NALCN: variants seen among roughly 807,000 people sequenced by gnomAD.
NALCN encodes sodium leak channel NALCN.
In NALCN, 111 loss-of-function variants were observed where a neutral mutation model predicts 225.3. That is an observed-to-expected ratio of 0.49 (90% CI 0.42 to 0.58). NALCN has a LOEUF of 0.58. Ranked by LOEUF, NALCN falls within the 20% of genes least tolerant of loss-of-function variation. The probability of loss-of-function intolerance (pLI) is 0.00; values close to 1 mark genes in which losing one functional copy is unlikely to be tolerated. For synonymous variants in NALCN, 764 were observed against 769.0 expected (o/e 0.99, Z 0.11); for missense variants, 1,378 against 2,202.4 (o/e 0.63, Z 7.49).
chr13:101,295,940 T>C (rs2043736456), intron 7 of NALCN, among the ~76,000 whole-genome samples: 1 of 152,216 alleles, frequency 6.6e-6, no homozygotes, highest in African/African-American at 2.4e-5. Flanking sequence ...TTCCTTTCAT[T>C]TTCTTTGGGA....
chr13:101,279,826 ATAAATAAAT>A (rs2043098653), intron 10 of NALCN, among the ~76,000 whole-genome samples: 1 of 74,246 alleles, frequency 1.3e-5, no homozygotes. Context: ...CAAAAAATAA[ATAAATAAAT>A]AAAATAAATA....
chr13:101,191,674 T>G (rs2039686529), intron 14 of NALCN, among the ~76,000 whole-genome samples: 1 of 152,196 alleles, frequency 6.6e-6, no homozygotes. Flanking sequence ...ATTTTCATTT[T>G]GTTCTGTCTT....
chr13:101,185,897 T>C (rs2039429901), intron 14 of NALCN, among the ~76,000 whole-genome samples: 1 of 152,242 alleles, frequency 6.6e-6, no homozygotes, highest in Admixed American at 6.5e-5. Flanking sequence ...AGACTACTTT[T>C]TTTTTCCCTT....
intron 10 of NALCN, among the ~76,000 whole-genome samples, chr13:101,264,770 T>C (rs1322776061): frequency 6.6e-6 from 1 of 152,198 alleles, no homozygotes; most frequent in Non-Finnish European, 1.5e-5. Context: ...GAATGTAATA[T>C]GTTGGACTAC....
At chr13:101,247,598 CT>C (rs373744310) in intron 11 of NALCN, among the ~76,000 whole-genome samples, 96 of 151,932 alleles carry the variant, frequency 6.3e-4, no homozygotes, top group Admixed American at 1.1e-3. Context: ...TTTTGTCAAA[CT>C]TTTTTTTCAC....
chr13:101,197,199 G>A (rs932004318), intron 13 of NALCN, among the ~76,000 whole-genome samples: 9 of 152,104 alleles, frequency 5.9e-5, no homozygotes, highest in South Asian at 2.1e-4. Context: ...ATACGGTTTC[G>A]TTGTTTTTCC....
At chr13:101,384,375 G>A (rs1331362710) in intron 3 of NALCN, among the ~76,000 whole-genome samples, 2 of 151,990 alleles carry the variant, frequency 1.3e-5, no homozygotes, top group Non-Finnish European at 1.5e-5. Flanking sequence ...TTTTTATAAC[G>A]GTAAACACTT....
intron 12 of NALCN, among the ~76,000 whole-genome samples, chr13:101,235,841 G>A (rs974547896): frequency 6.6e-6 from 1 of 152,094 alleles, no homozygotes; most frequent in Non-Finnish European, 1.5e-5. Flanking sequence ...CTTTCCCCCA[G>A]GTACTAAAAG....
intron 6 of NALCN, among the ~76,000 whole-genome samples, chr13:101,358,270 T>C (rs987004747): frequency 6.6e-6 from 1 of 151,940 alleles, no homozygotes; most frequent in Admixed American, 6.5e-5. Context: ...CAGAATAGAA[T>C]AGGAGAAAAT....
chr13:101,203,038 G>T (rs1050176879), intron 13 of NALCN, among the ~76,000 whole-genome samples: 1 of 152,116 alleles, frequency 6.6e-6, no homozygotes, highest in Non-Finnish European at 1.5e-5. Flanking sequence ...TCTCAAATAT[G>T]CAATCCCATT....
chr13:101,099,237 C>G (rs149727034), intron 27 of NALCN, among the ~76,000 whole-genome samples: 2 of 151,936 alleles, frequency 1.3e-5, no homozygotes, highest in African/African-American at 4.8e-5. Flanking sequence ...TAATTTGATA[C>G]GGCATGACCG....
rs537651150 is a variant in NALCN at position 101,053,974 on chromosome 13, A to G, written c.*1321T>C. 19 of 152,264 alleles carry G rather than the reference A, an allele frequency of 1.2e-4. No individual in the cohort carries two copies. Among genetic ancestry groups the G allele is most frequent in the African/African-American group, 4.3e-4 (18 of 41,526 alleles). The allele number at this position is 152,264 out of a possible 1,614,324, so 9.4% of individuals were successfully genotyped here. A position where few individuals can be genotyped will look rare whatever the true frequency, so the allele number is the denominator to read the frequency against. On this transcript the variant is annotated 3_prime_UTR_variant, in exon 44 of 44. Coordinates refer to ENST00000251127, the MANE Select transcript of NALCN (RefSeq NM_052867.4). Reference sequence around the variant, plus strand: ...GAAGGAATGTCCTATTTGCCTATCTATCTGAGGAATGTTAAATAGAGAAAA... The same window carrying G: ...GAAGGAATGTCCTATTTGCCTATCTGTCTGAGGAATGTTAAATAGAGAAAA...
chr13:101,353,208 C>T (rs944856148), intron 6 of NALCN, among the ~76,000 whole-genome samples: 1 of 152,086 alleles, frequency 6.6e-6, no homozygotes, highest in Non-Finnish European at 1.5e-5. Flanking sequence ...ATGAATATAG[C>T]CTTTGATACC....
At chr13:101,245,547 T>A (rs780672534) in intron 11 of NALCN, among the ~76,000 whole-genome samples, 2 of 152,102 alleles carry the variant, frequency 1.3e-5, no homozygotes, top group Non-Finnish European at 2.9e-5. Context: ...ATCTGCATTA[T>A]AAAAGAGAGA....
chr13:101,065,663 A>ATAAT, intron 39 of NALCN, 102 bp from the exon 40 acceptor site: 3 of 1,414,176 alleles, frequency 2.1e-6, no homozygotes, highest in Non-Finnish European at 2.8e-6. Flanking sequence ...AAAAGCTAGC[A>ATAAT]TAATTAGCAC....
intron 3 of NALCN, among the ~76,000 whole-genome samples, chr13:101,386,634 G>A (rs1203914789): frequency 1.3e-5 from 2 of 151,530 alleles, no homozygotes; most frequent in Non-Finnish European, 2.9e-5. Context: ...AAATTACTAG[G>A]TCAATAAACT....
At chr13:101,325,222 T>C (rs1450986566) in intron 7 of NALCN, among the ~76,000 whole-genome samples, 1 of 152,170 alleles carries the variant, frequency 6.6e-6, no homozygotes, top group African/African-American at 2.4e-5. Flanking sequence ...CAAACAAGTG[T>C]ATAAACAGAG....
At chr13:101,124,963 C>T (rs1036616073) in intron 17 of NALCN, among the ~76,000 whole-genome samples, 3 of 152,130 alleles carry the variant, frequency 2.0e-5, no homozygotes, top group Non-Finnish European at 4.4e-5. Context: ...AAGACTTTAA[C>T]GTTGACCCTC....
chr13:101,128,482 T>G (rs114662213), intron 17 of NALCN, among the ~76,000 whole-genome samples: 69 of 152,288 alleles, frequency 4.5e-4, no homozygotes, highest in African/African-American at 1.7e-3. Context: ...TTCTAATTAA[T>G]CTACATGTTA....
Sources: allele counts gnomAD v4.1 joint callset (sites outside exome capture counted in the v4.1 genomes callset), GRCh38; gene constraint gnomAD v4.1.1; transcripts MANE v1.5; gene names NCBI Gene and HGNC (gene_info 2026-07-23, HGNC 2026-07-21).